CMTM4: variants seen among roughly 807,000 people sequenced by gnomAD.
The protein encoded by CMTM4 is CKLF like MARVEL transmembrane domain containing 4.
In CMTM4, 8 loss-of-function variants were observed where a neutral mutation model predicts 19.0. The ratio of observed to expected loss-of-function variants is 0.42; its 90% CI spans 0.25 to 0.76. The LOEUF (loss-of-function observed/expected upper bound fraction) is 0.76, where lower values mean the gene tolerates loss of function less well. Among genes scored for constraint, CMTM4 ranks in the 30% least tolerant of loss-of-function variants. The pLI, the probability that CMTM4 is intolerant of heterozygous loss-of-function variation, is 0.27. For missense variants in CMTM4, 228 were observed against 290.2 expected (o/e 0.79, Z 1.56); for synonymous variants, 106 against 121.1 (o/e 0.88, Z 0.82).
chr16:66,631,358 C>T (rs1020177982), intron 2 of CMTM4, among the ~76,000 whole-genome samples: 2 of 151,392 alleles, frequency 1.3e-5, no homozygotes, highest in Admixed American at 6.6e-5. Context: ...AGGTGAGGGG[C>T]GCCTCTGCCC....
chr16:66,648,331 T>C (rs1487323497), intron 1 of CMTM4, among the ~76,000 whole-genome samples: 2 of 152,234 alleles, frequency 1.3e-5, no homozygotes. Flanking sequence ...ACGAGGATGG[T>C]GCCTTCATCT....
At chr16:66,683,286 CT>C (rs781263895) in intron 1 of CMTM4, among the ~76,000 whole-genome samples, 374 of 78,854 alleles carry the variant, frequency 4.7e-3, no homozygotes, top group South Asian at 9.0e-3. Flanking sequence ...TTTTTCTTTT[CT>C]TTTTTTTTTT....
chr16:66,626,511 C>T (rs1220266413), intron 2 of CMTM4, among the ~76,000 whole-genome samples: 1 of 152,088 alleles, frequency 6.6e-6, no homozygotes, highest in African/African-American at 2.4e-5. Flanking sequence ...CAGGCTGAGG[C>T]AAGAGAATCG....
Position 66,619,525 on chromosome 16 carries a change from T to C in CMTM4, c.*2533A>G, listed in dbSNP as rs1028063944. 1.0e-5 allele frequency: 10 copies of C among 985,304 alleles called. No homozygotes were observed. In the African/African-American group the frequency reaches 1.7e-4, roughly 17 times the overall value. 61.0% of individuals were successfully genotyped at this position (985,304 alleles called of 1,614,324 possible). The stretch of plus-strand genomic sequence containing the variant: ...TTGAAACTATTAAACGCAAAAACGC[T>C]TCCTTCAATTTGCCAAGAGGTCATT... On this transcript the variant is annotated 3_prime_UTR_variant, in exon 4 of 4. Transcript: ENST00000394106.
rs182350449 is a variant in CMTM4, at chr16:66,667,837, G to A, written c.186+28503C>T. Among the ~76,000 whole-genome samples the A allele has an allele frequency of 2.1e-4, 32 of 152,118 alleles. No homozygotes were observed. In the East Asian group the frequency reaches 3.9e-3, roughly 18 times the overall value. Reference sequence around the variant, plus strand: ...CAGGAGGCAGAGGTTGCAGTGAGCCGTGATCACACCACTGCACTCCAACCT... The same window carrying A: ...CAGGAGGCAGAGGTTGCAGTGAGCCATGATCACACCACTGCACTCCAACCT... On this transcript the variant is annotated intron_variant, in intron 1 of 3. Coordinates refer to ENST00000394106, the MANE Select transcript of CMTM4 (RefSeq NM_181521.3).
At position 66,622,099 on chromosome 16, in the gene CMTM4, C is replaced by T. The variant is rs1776456382; in HGVS notation, c.586G>A (p.Asp196Asn). The T allele has an allele frequency of 6.3e-7, 1 of 1,589,930 alleles. No homozygotes were observed. The highest frequency in any genetic ancestry group is 1.3e-5 in the African/African-American group (1 of 74,682). ...TGGATCTCAGGGCGACTGTCCACAT[C>T]CCTGGACTCCGTGCGGGCTCGGATG... ...DYIRARTESR[D>N]VDSRPEIQRL... The change falls in exon 4 of 4, where the codon GAT becomes AAT. Residue 196 changes from aspartate to asparagine, a missense_variant. Physicochemically the swap from Asp to Asn is conservative, Grantham distance 23. Coordinates refer to ENST00000394106, the MANE Select transcript of CMTM4 (RefSeq NM_181521.3). This position sits in a 1 kb window ranked among gnomAD's most constrained non-coding sequence, Gnocchi z 4.0.
intron 1 of CMTM4, among the ~76,000 whole-genome samples, chr16:66,644,480 T>C (rs2016153343): frequency 6.6e-6 from 1 of 152,234 alleles, no homozygotes; most frequent in South Asian, 2.1e-4. Flanking sequence ...CTTTTTAAAT[T>C]TGTAATTTAT....
Position 66,621,891 on chromosome 16 carries a change from C to T in CMTM4, c.*167G>A, listed in dbSNP as rs757031523. On this transcript the variant is annotated 3_prime_UTR_variant, in exon 4 of 4. Coordinates refer to ENST00000394106, the MANE Select transcript of CMTM4 (RefSeq NM_181521.3). ...AGGAACGTGGGCCTCCCAACTCCAC[C>T]GCGGACCCGCCCACTGGGCCACTCG... The T allele has an allele frequency of 1.4e-4, 196 of 1,430,058 alleles. No homozygotes were observed. The highest frequency in any genetic ancestry group is 1.7e-4 in the Non-Finnish European group (184 of 1,094,828). 88.6% of individuals were successfully genotyped at this position (1,430,058 alleles called of 1,614,324 possible). A position where few individuals can be genotyped will look rare whatever the true frequency, so the allele number is the denominator to read the frequency against.
rs2015739612 is a variant in CMTM4, at chr16:66,626,434, A to G, written c.364-2932T>C. 2.6e-5 allele frequency among the ~76,000 whole-genome samples: 4 copies of G among 152,210 alleles called. No individual in the cohort carries two copies. In the South Asian group the frequency reaches 8.3e-4, roughly 32 times the overall value. On this transcript the variant is annotated intron_variant, in intron 2 of 3. Transcript: ENST00000394106. Reference sequence around the variant, plus strand: ...CCCCTAGGCAATATGGCGAAACCCCATCTCTACTAAAACACAAAAAATTAG... The same window carrying G: ...CCCCTAGGCAATATGGCGAAACCCCGTCTCTACTAAAACACAAAAAATTAG...
In CMTM4 at chr16:66,619,344, A is replaced by G. The variant is rs930541935; in HGVS notation, c.*2714T>C. 1.2e-5 allele frequency: 12 copies of G among 985,436 alleles called. No homozygotes were observed. The highest frequency in any genetic ancestry group is 1.3e-5 in the Non-Finnish European group (11 of 829,924). 61.0% of individuals were successfully genotyped at this position (985,436 alleles called of 1,614,324 possible). On this transcript the variant is annotated 3_prime_UTR_variant, in exon 4 of 4. Coordinates refer to ENST00000394106, the MANE Select transcript of CMTM4 (RefSeq NM_181521.3). ...CCAAATGCTTGAGGGTTTCAGCTGT[A>G]CAGTGTCCAGGAAAAAACCCAAATG... is the stretch of plus-strand genomic sequence containing the variant.
chr16:66,634,388 C>T (rs891354732), intron 2 of CMTM4, among the ~76,000 whole-genome samples: 1 of 151,378 alleles, frequency 6.6e-6, no homozygotes, highest in Admixed American at 6.6e-5. Context: ...TTCATTGAGC[C>T]GAGATCACGC....
chr16:66,607,603 A>T, the CMTM4 span, among the ~76,000 whole-genome samples: 10 of 152,346 alleles, frequency 6.6e-5, no homozygotes, highest in Admixed American at 6.5e-4. Context: ...TTCAAGGTGA[A>T]ATCTACATTC....
Position 66,623,421 on chromosome 16 carries a change from C to G in CMTM4, c.445G>C (p.Ala149Pro), listed in dbSNP as rs753722715. ...VLAALNHRAG[A>P]EIAAVIFGFL... ...TTGCTTACCACGGCAGCAATTTCTG[C>G]TCCGGCTCTATGGTTTAAAGCAGCC... The change falls in exon 3 of 4, where the codon GCA becomes CCA. Residue 149 changes from alanine (A) to proline (P), a missense_variant. This residue lies in a region of CMTM4 where 200 missense variants were observed against 226.6 expected (regional missense o/e 0.88). Transcript: ENST00000394106. The G allele has an allele frequency of 3.7e-6, 6 of 1,613,612 alleles. No individual in the cohort carries two copies. Among genetic ancestry groups the G allele is most frequent in the Non-Finnish European group, 5.1e-6 (6 of 1,179,852 alleles).
the CMTM4 span, among the ~76,000 whole-genome samples, chr16:66,601,833 A>C: frequency 2.6e-5 from 4 of 152,306 alleles, no homozygotes; most frequent in Admixed American, 1.3e-4. Flanking sequence ...CTGAGCCTGC[A>C]GCTGTGGTTT....
chr16:66,621,907 G>A lies in CMTM4; in HGVS notation c.*151C>T. 1 of 1,436,940 alleles carries A rather than the reference G, an allele frequency of 7.0e-7. No individual in the cohort carries two copies. Among genetic ancestry groups the A allele is most frequent in the Non-Finnish European group, 9.1e-7 (1 of 1,097,356 alleles). The allele number at this position is 1,436,940 out of a possible 1,614,324, so 89.0% of individuals were successfully genotyped here. A position where few individuals can be genotyped will look rare whatever the true frequency, so the allele number is the denominator to read the frequency against. ...CAACTCCACCGCGGACCCGCCCACTGGGCCACTCGGGAAACCCTTTCCCAA... is the reference window on the plus strand; with the variant it reads ...CAACTCCACCGCGGACCCGCCCACTAGGCCACTCGGGAAACCCTTTCCCAA... On this transcript the variant is annotated 3_prime_UTR_variant, in exon 4 of 4. Coordinates refer to ENST00000394106, the MANE Select transcript of CMTM4 (RefSeq NM_181521.3).
At chr16:66,695,177 T>A (rs1422218338) in intron 1 of CMTM4, among the ~76,000 whole-genome samples, 1 of 152,066 alleles carries the variant, frequency 6.6e-6, no homozygotes, top group Non-Finnish European at 1.5e-5. Flanking sequence ...TGAAACCCCA[T>A]CTCTACTAAA....
intron 1 of CMTM4, among the ~76,000 whole-genome samples, chr16:66,672,908 A>T (rs1278431204): frequency 7.9e-6 from 1 of 127,052 alleles, no homozygotes; most frequent in African/African-American, 3.0e-5. Flanking sequence ...TCATAGGTGT[A>T]AGCCACTGCG....
the CMTM4 span, chr16:66,609,452 C>T: frequency 1.9e-6 from 3 of 1,612,858 alleles, no homozygotes; most frequent in Non-Finnish European, 2.5e-6. The surrounding 1 kb of genome is among the most constrained non-coding windows in gnomAD (Gnocchi z 4.4). Context: ...TGCGCTGTGT[C>T]ACCGCGGCCC....
chr16:66,677,511 G>A (rs1246526669), intron 1 of CMTM4, among the ~76,000 whole-genome samples: 2 of 152,204 alleles, frequency 1.3e-5, no homozygotes, highest in African/African-American at 4.8e-5. Flanking sequence ...ACCAGAACCT[G>A]GCTAAATTAA....
Sources: allele counts gnomAD v4.1 joint callset (sites outside exome capture counted in the v4.1 genomes callset), GRCh38; gene constraint gnomAD v4.1.1; regional missense constraint gnomAD v4.1.1; non-coding constraint Gnocchi (gnomAD v3.1); transcripts MANE v1.5; gene names NCBI Gene and HGNC (gene_info 2026-07-23, HGNC 2026-07-21).